ORC3: variants seen among roughly 807,000 people sequenced by gnomAD.
The protein encoded by ORC3 is origin recognition complex subunit 3.
In ORC3, 78 loss-of-function variants were observed where a neutral mutation model predicts 100.7. The observed-to-expected ratio is 0.77, with a 90% CI of 0.65 to 0.94. The LOEUF (loss-of-function observed/expected upper bound fraction) is 0.94, where lower values mean the gene tolerates loss of function less well. Ranked by LOEUF, ORC3 falls within the 40% of genes least tolerant of loss-of-function variation. ORC3 has a pLI of 0.00. For missense variants in ORC3, 789 were observed against 823.9 expected (o/e 0.96, Z 0.52); for synonymous variants, 295 against 289.3 (o/e 1.02, Z -0.20).
At chr6:87,660,038 A>G (rs1313573042) in intron 16 of ORC3, among the ~76,000 whole-genome samples, 1 of 152,182 alleles carries the variant, frequency 6.6e-6, no homozygotes, top group East Asian at 1.9e-4. Context: ...GGCAGTGAAC[A>G]TGGTAGTCAC....
At chr6:87,638,468 A>G (rs1325550089) in intron 13 of ORC3, among the ~76,000 whole-genome samples, 2 of 152,248 alleles carry the variant, frequency 1.3e-5, no homozygotes, top group East Asian at 3.8e-4. Flanking sequence ...TGGAAAGAAT[A>G]ACTGCTTAAG....
chr6:87,595,538 A>C (rs1479538844), intron 2 of ORC3: 2 of 152,142 alleles, frequency 1.3e-5, no homozygotes, highest in African/African-American at 4.8e-5. Context: ...AAGACTTTCT[A>C]CTCTCACAAT....
At chr6:87,664,922 A>G in intron 18 of ORC3, 63 bp downstream of exon 18, 1 of 981,720 alleles carries the variant, frequency 1.0e-6, no homozygotes, top group African/African-American at 1.6e-5. Flanking sequence ...ACTTTCTCAG[A>G]ATAGTTTTAT....
rs1333806370 is a variant in ORC3 at position 87,634,766 on chromosome 6, A to G, written c.1186-79A>G. The G allele has an allele frequency of 2.5e-5, 18 of 716,196 alleles. No individual in the cohort carries two copies. The East Asian group carries it at 3.8e-4, about 15-fold the overall frequency. The allele number at this position is 716,196 out of a possible 1,614,324, so 44.4% of individuals were successfully genotyped here. ...TCTTGTCAGTTTTCCAGAAATTTTT[A>G]TAGCCATGAAGTAGATTGTATTATT... On this transcript the variant is annotated intron_variant, in intron 11 of 19. Coordinates refer to ENST00000392844, the MANE Select transcript of ORC3 (RefSeq NM_012381.4).
chr6:87,616,166 C>T, intron 8 of ORC3, 148 bp from the exon 9 acceptor site: 1 of 408,250 alleles, frequency 2.4e-6, no homozygotes, highest in East Asian at 3.7e-5. Context: ...TTTTTGTTGA[C>T]ATTTGAGCTT....
chr6:87,664,745 T>G lies in ORC3; in HGVS notation c.1836T>G (p.Asn612Lys), dbSNP rs1475637486. The change falls in exon 18 of 20, where the codon AAT becomes AAG. Residue 612 changes from asparagine to lysine, a missense_variant and splice_region_variant. Asn to Lys is a moderately conservative substitution (Grantham distance 94). This residue lies in a region of ORC3 where 366 missense variants were observed against 394.2 expected (regional missense o/e 0.93). Coordinates refer to ENST00000392844, the MANE Select transcript of ORC3 (RefSeq NM_012381.4). ...CTTAGTTTACTGTTAATTGTTAGAATGAAGCACTGAAAAGCGAAGAAGGCT... is the reference window on the plus strand; with the variant it reads ...CTTAGTTTACTGTTAATTGTTAGAAGGAAGCACTGAAAAGCGAAGAAGGCT... Reference protein sequence around the residue: ...ALNNPYYYLKNEALKSEEGCI... With the variant: ...ALNNPYYYLKKEALKSEEGCI... 1 of 1,612,328 alleles carries G rather than the reference T, an allele frequency of 6.2e-7. No homozygotes were observed. The highest frequency in any genetic ancestry group is 8.5e-7 in the Non-Finnish European group (1 of 1,178,354).
At chr6:87,627,445 G>T (rs1382505395) in intron 11 of ORC3, among the ~76,000 whole-genome samples, 1 of 148,252 alleles carries the variant, frequency 6.7e-6, no homozygotes, top group South Asian at 2.1e-4. Flanking sequence ...AGAGGCATGG[G>T]TCACCACACC....
chr6:87,612,451 G>C (rs1366994831), intron 8 of ORC3, among the ~76,000 whole-genome samples: 1 of 151,680 alleles, frequency 6.6e-6, no homozygotes, highest in Non-Finnish European at 1.5e-5. Flanking sequence ...TACCTCTTCA[G>C]GTAAAATATA....
At chr6:87,642,705 A>G (rs1450692922) in intron 13 of ORC3, among the ~76,000 whole-genome samples, 11 of 151,738 alleles carry the variant, frequency 7.2e-5, no homozygotes, top group Admixed American at 7.2e-4. Context: ...GATTGAGACC[A>G]TCCTGGCTAA....
intron 11 of ORC3, among the ~76,000 whole-genome samples, chr6:87,622,467 G>A (rs2128265723): frequency 6.6e-6 from 1 of 152,210 alleles, no homozygotes; most frequent in Non-Finnish European, 1.5e-5. Flanking sequence ...ATAATATAAA[G>A]CTAGGAAAGA....
At chr6:87,635,054 A>G in intron 12 of ORC3, 93 bp downstream of exon 12, 1 of 774,606 alleles carries the variant, frequency 1.3e-6, no homozygotes, top group Non-Finnish European at 2.4e-6. Flanking sequence ...CAGAATGTGA[A>G]ATGAAGCCAA....
In ORC3 at chr6:87,603,417, G is replaced by A; in HGVS notation, c.211G>A (p.Asp71Asn). Reference protein sequence around the residue: ...LQEELNKNLFDNLIEFLQKSH... With the variant: ...LQEELNKNLFNNLIEFLQKSH... ...AGAGGAATTAAATAAAAACTTGTTTGACAATCTGATTGAATTTCTGCAAAA... is the reference window on the plus strand; with the variant it reads ...AGAGGAATTAAATAAAAACTTGTTTAACAATCTGATTGAATTTCTGCAAAA... Residue 71 changes from aspartate to asparagine, a missense_variant, in exon 4 of 20, where the codon GAC (aspartate) becomes AAC (asparagine). Transcript: ENST00000392844. 1 of 1,522,182 alleles carries A rather than the reference G, an allele frequency of 6.6e-7. No individual in the cohort carries two copies. The highest frequency in any genetic ancestry group is 9.0e-7 in the Non-Finnish European group (1 of 1,115,012). The allele number at this position is 1,522,182 out of a possible 1,614,324, so 94.3% of individuals were successfully genotyped here. A position where few individuals can be genotyped will look rare whatever the true frequency, so the allele number is the denominator to read the frequency against.
At chr6:87,653,278 T>C (rs113714170) in intron 14 of ORC3, 29 bp downstream of exon 14, 1 of 1,602,832 alleles carries the variant, frequency 6.2e-7, no homozygotes, top group Non-Finnish European at 8.5e-7. Context: ...TCCAATTCTA[T>C]TGGCCATGAC....
chr6:87,675,633 G>C, the ORC3 span: 3 of 1,612,882 alleles, frequency 1.9e-6, no homozygotes, highest in Non-Finnish European at 2.5e-6. Flanking sequence ...AAGAAAATTA[G>C]TGCAAAATAC....
chr6:87,657,417 A>T (rs1039339971), intron 15 of ORC3, among the ~76,000 whole-genome samples: 3 of 152,236 alleles, frequency 2.0e-5, no homozygotes, highest in African/African-American at 7.2e-5. Context: ...GAGCCACAGT[A>T]TATCCAATAT....
chr6:87,611,239 G>A (rs949695524), intron 7 of ORC3, among the ~76,000 whole-genome samples: 1 of 151,894 alleles, frequency 6.6e-6, no homozygotes, highest in African/African-American at 2.4e-5. Flanking sequence ...ACCCAGCCCA[G>A]ATCCTAGGAC....
chr6:87,619,541 G>A (rs1779391193), intron 9 of ORC3, among the ~76,000 whole-genome samples: 1 of 152,100 alleles, frequency 6.6e-6, no homozygotes, highest in African/African-American at 2.4e-5. Flanking sequence ...TGAGCAGCTG[G>A]GATTACAGGC....
intron 9 of ORC3, among the ~76,000 whole-genome samples, chr6:87,616,826 A>G (rs542323772): frequency 1.1e-3 from 163 of 150,364 alleles, no homozygotes; most frequent in Non-Finnish European, 1.6e-3. Context: ...TTCGAGATGG[A>G]GTTTCACTTT....
At chr6:87,638,858 A>T (rs1768012753) in intron 13 of ORC3, among the ~76,000 whole-genome samples, 1 of 152,006 alleles carries the variant, frequency 6.6e-6, no homozygotes, top group Admixed American at 6.6e-5. Context: ...TTAAGTACTT[A>T]TATGTGAATA....
Sources: allele counts gnomAD v4.1 joint callset (sites outside exome capture counted in the v4.1 genomes callset), GRCh38; gene constraint gnomAD v4.1.1; regional missense constraint gnomAD v4.1.1; transcripts MANE v1.5; gene names NCBI Gene and HGNC (gene_info 2026-07-23, HGNC 2026-07-21).